The following SPAG16 variants were observed in gnomAD, a reference collection of about 807,000 sequenced individuals.
SPAG16 encodes the protein sperm-associated antigen 16 protein.
SPAG16 carries 86 observed loss-of-function variants against 80.4 expected under a neutral mutation model. The observed-to-expected ratio is 1.07, with a 90% confidence interval of 0.90 to 1.28. The LOEUF (loss-of-function observed/expected upper bound fraction) is 1.28, where lower values mean the gene tolerates loss of function less well. SPAG16 is among the 50% of genes most tolerant of loss of function. The pLI is 0.00. For missense variants in SPAG16, 870 were observed against 765.3 expected (o/e 1.14, Z -1.61); for synonymous variants, 294 against 265.9 (o/e 1.11, Z -1.03).
intron 13 of SPAG16, among the ~76,000 whole-genome samples, chr2:214,098,437 A>G (rs2052753542): frequency 6.6e-6 from 1 of 152,048 alleles, no homozygotes; most frequent in Non-Finnish European, 1.5e-5. Context: ...CCCAAATGCA[A>G]TATGACTAGT....
intron 15 of SPAG16, among the ~76,000 whole-genome samples, chr2:214,321,057 T>C (rs1451758789): frequency 6.6e-6 from 1 of 152,212 alleles, no homozygotes; most frequent in Non-Finnish European, 1.5e-5. Flanking sequence ...TGGCATACAG[T>C]ACAGTGAAAG....
chr2:214,013,000 A>G (rs1478189807), intron 12 of SPAG16, among the ~76,000 whole-genome samples: 1 of 152,118 alleles, frequency 6.6e-6, no homozygotes, highest in East Asian at 1.9e-4. Flanking sequence ...CACGTTTCCA[A>G]GTGACAGTGA....
In SPAG16 at chr2:214,189,155, G is replaced by A. The variant is rs562096420; in HGVS notation, c.1720+39889G>A. Among the ~76,000 whole-genome samples the A allele has an allele frequency of 5.3e-5, 8 of 152,130 alleles. No individual in the cohort carries two copies. In the East Asian group the frequency reaches 7.8e-4, roughly 15 times the overall value. On this transcript the variant is annotated intron_variant, in intron 15 of 15. Coordinates refer to ENST00000331683, the MANE Select transcript of SPAG16 (RefSeq NM_024532.5). ...TGTGAGACTCCTGTAAGCTTTTGGC[G>A]AATGACAGACTCACAACATCTGATG...
chr2:214,161,849 T>A (rs1032668197), intron 15 of SPAG16, among the ~76,000 whole-genome samples: 1 of 152,082 alleles, frequency 6.6e-6, no homozygotes, highest in Non-Finnish European at 1.5e-5. Context: ...AAAATAACTT[T>A]AAAAATAAAT....
intron 11 of SPAG16, among the ~76,000 whole-genome samples, chr2:213,889,598 T>TCACA (rs1181712158): frequency 1.3e-5 from 2 of 149,446 alleles, no homozygotes; most frequent in African/African-American, 2.5e-5. Flanking sequence ...GCCTTGTTGC[T>TCACA]CACACACACA....
chr2:213,668,909 A>G (rs371980233), intron 10 of SPAG16, among the ~76,000 whole-genome samples: 78 of 152,230 alleles, frequency 5.1e-4, no homozygotes, highest in African/African-American at 1.8e-3. Flanking sequence ...CGGCCTCCCT[A>G]AGTGCTGGGA....
intron 13 of SPAG16, among the ~76,000 whole-genome samples, chr2:214,021,540 C>T (rs532944799): frequency 1.3e-5 from 2 of 152,226 alleles, no homozygotes; most frequent in African/African-American, 4.8e-5. Context: ...AATTCAATCA[C>T]CTCCCATTGG....
chr2:214,324,561 A>G (rs1484860924), intron 15 of SPAG16, among the ~76,000 whole-genome samples: 1 of 152,174 alleles, frequency 6.6e-6, no homozygotes, highest in Non-Finnish European at 1.5e-5. Flanking sequence ...TTTTGTGAAC[A>G]TTCCTAGCAT....
At position 214,166,500 on chromosome 2, in the gene SPAG16, C is replaced by G. The variant is rs567538445; in HGVS notation, c.1720+17234C>G. Among the ~76,000 whole-genome samples, 8 of 152,212 alleles carry G rather than the reference C, an allele frequency of 5.3e-5. No homozygotes were observed. The South Asian group carries it at 1.4e-3, about 28-fold the overall frequency. On this transcript the variant is annotated intron_variant, in intron 15 of 15. Coordinates refer to ENST00000331683, the MANE Select transcript of SPAG16 (RefSeq NM_024532.5). ...GGCCGACTTACTCCTGAGACTGGTT[C>G]TCAGCCAGGCTCCTGTTAGGCCATT... is the stretch of plus-strand genomic sequence containing the variant.
intron 15 of SPAG16, among the ~76,000 whole-genome samples, chr2:214,293,904 C>G (rs1693964749): frequency 6.6e-6 from 1 of 152,184 alleles, no homozygotes; most frequent in Non-Finnish European, 1.5e-5. Flanking sequence ...GCAACATAGA[C>G]AGGCAGCTAT....
chr2:214,311,216 T>G (rs1274551064), intron 15 of SPAG16, among the ~76,000 whole-genome samples: 1 of 152,034 alleles, frequency 6.6e-6, no homozygotes, highest in African/African-American at 2.4e-5. Context: ...CTCTCTAGGG[T>G]CAGCACACTC....
intron 10 of SPAG16, among the ~76,000 whole-genome samples, chr2:213,673,221 G>C (rs963476025): frequency 1.3e-5 from 2 of 151,916 alleles, no homozygotes; most frequent in Non-Finnish European, 2.9e-5. Flanking sequence ...ACATGAATTA[G>C]CAATCATTAG....
intron 15 of SPAG16, among the ~76,000 whole-genome samples, chr2:214,263,042 C>T (rs568486780): frequency 6.6e-6 from 1 of 151,972 alleles, no homozygotes; most frequent in East Asian, 1.9e-4. Context: ...GCCTCTATCA[C>T]TTCATAGTTA....
At chr2:213,618,823 C>T (rs530122603) in intron 10 of SPAG16, among the ~76,000 whole-genome samples, 2 of 151,766 alleles carry the variant, frequency 1.3e-5, no homozygotes, top group Admixed American at 6.6e-5. Flanking sequence ...TTGTCTTAGT[C>T]ATTTCCTTTT....
At position 213,774,531 on chromosome 2, in the gene SPAG16, A is replaced by G. The variant is rs139877972; in HGVS notation, c.1071-87954A>G. Among the ~76,000 whole-genome samples the G allele has an allele frequency of 1.2e-3, 187 of 152,274 alleles. 1 individual carries two copies. Among genetic ancestry groups the G allele is most frequent in the African/African-American group, 4.3e-3 (180 of 41,550 alleles). On this transcript the variant is annotated intron_variant, in intron 10 of 15. Transcript: ENST00000331683. Reference sequence around the variant, plus strand: ...CTGTGATCTCATATTAAGCAATTTTATATGCAATGGTGTTATTTCCAAATA... The same window carrying G: ...CTGTGATCTCATATTAAGCAATTTTGTATGCAATGGTGTTATTTCCAAATA...
chr2:214,260,068 G>T (rs1430224695), intron 15 of SPAG16, among the ~76,000 whole-genome samples: 4 of 152,054 alleles, frequency 2.6e-5, no homozygotes, highest in East Asian at 1.9e-4. Flanking sequence ...TAAATTAAAA[G>T]AATTATACTT....
chr2:213,995,005 T>C (rs557692740), intron 12 of SPAG16, among the ~76,000 whole-genome samples: 1 of 152,332 alleles, frequency 6.6e-6, no homozygotes, highest in East Asian at 1.9e-4. Context: ...TATTTATTAT[T>C]GTATTTTGAA....
intron 9 of SPAG16, among the ~76,000 whole-genome samples, chr2:213,419,662 C>A (rs2069474146): frequency 6.6e-6 from 1 of 152,122 alleles, no homozygotes; most frequent in South Asian, 2.1e-4. Flanking sequence ...GCATTAAAAG[C>A]ATGTGCTACT....
At chr2:213,609,831 G>T (rs1046709368) in intron 10 of SPAG16, among the ~76,000 whole-genome samples, 1 of 152,042 alleles carries the variant, frequency 6.6e-6, no homozygotes, top group African/African-American at 2.4e-5. Flanking sequence ...TGGTGTTCTG[G>T]TGATGTGTAT....
Sources: allele counts gnomAD v4.1 joint callset (sites outside exome capture counted in the v4.1 genomes callset), GRCh38; gene constraint gnomAD v4.1.1; transcripts MANE v1.5; gene names NCBI Gene and HGNC (gene_info 2026-07-23, HGNC 2026-07-21).